Variants in EIPR1 observed in about 807,000 individuals in gnomAD.
EIPR1 encodes EARP and GARP complex-interacting protein 1.
Under a neutral mutation model 48.1 loss-of-function variants are expected in EIPR1, and 25 were observed. That is an observed-to-expected ratio of 0.52 (90% CI 0.38 to 0.73). EIPR1 has a LOEUF of 0.73. EIPR1 is among the 30% of genes least tolerant of loss of function. EIPR1 has a pLI of 0.00. For missense variants in EIPR1, 415 were observed against 506.2 expected (o/e 0.82, Z 1.73); for synonymous variants, 204 against 201.9 (o/e 1.01, Z -0.09).
intron 3 of EIPR1, among the ~76,000 whole-genome samples, chr2:3,269,948 A>AC (rs1667654478): frequency 6.6e-6 from 1 of 152,228 alleles, no homozygotes. Context: ...CTTGGCTTGC[A>AC]CACAGCACTG....
Position 3,374,072 on chromosome 2 carries a change from C to T in EIPR1, c.42+3576G>A, listed in dbSNP as rs1051832817. On this transcript the variant is annotated intron_variant, in intron 1 of 8. Transcript: ENST00000382125. ...CAGAACAGAGCCCTCAGAAATAATG[C>T]CGCATATCTACAACTATCTGATCTT... 4.9e-5 allele frequency among the ~76,000 whole-genome samples: 7 copies of T among 143,080 alleles called. No homozygotes were observed. In the Admixed American group the frequency reaches 4.9e-4, roughly 10 times the overall value. 93.9% of individuals were successfully genotyped at this position (143,080 alleles called of 152,430 possible). A position where few individuals can be genotyped will look rare whatever the true frequency, so the allele number is the denominator to read the frequency against.
chr2:3,228,687 C>T (rs1465808452), intron 4 of EIPR1, among the ~76,000 whole-genome samples: 1 of 152,186 alleles, frequency 6.6e-6, no homozygotes, highest in Non-Finnish European at 1.5e-5. Context: ...ATGTGAAGGG[C>T]AGGACCAGGT....
chr2:3,293,812 G>A (rs972202217), intron 3 of EIPR1, among the ~76,000 whole-genome samples: 1 of 152,204 alleles, frequency 6.6e-6, no homozygotes, highest in Admixed American at 6.5e-5. Context: ...CTTGATCACA[G>A]ACAATTTTGA....
In EIPR1 at chr2:3,274,420, C is replaced by T. The variant is rs1203240045; in HGVS notation, c.260-16965G>A. 12 of 1,550,018 alleles carry T rather than the reference C, an allele frequency of 7.7e-6. No individual in the cohort carries two copies. In the East Asian group the frequency reaches 2.4e-4, roughly 32 times the overall value. ...TCCAGAGACAGCACACAACAAAATG[C>T]TAGAAAAAAAGTCAGGGCAGAACTG... On this transcript the variant is annotated intron_variant, in intron 3 of 8. Transcript: ENST00000382125.
intron 3 of EIPR1, among the ~76,000 whole-genome samples, chr2:3,306,159 T>C (rs1050222532): frequency 1.3e-5 from 2 of 152,218 alleles, no homozygotes; most frequent in Non-Finnish European, 2.9e-5. Context: ...CCCGAAGTCA[T>C]CATTTCGTCA....
chr2:3,217,939 T>G (rs975477779), intron 4 of EIPR1, among the ~76,000 whole-genome samples: 1 of 152,180 alleles, frequency 6.6e-6, no homozygotes, highest in African/African-American at 2.4e-5. Context: ...TCATAAGCTA[T>G]GCTAAATACA....
intron 3 of EIPR1, among the ~76,000 whole-genome samples, chr2:3,299,143 C>T (rs1668685589): frequency 6.6e-6 from 1 of 152,244 alleles, no homozygotes; most frequent in Admixed American, 6.5e-5. Context: ...TTCTGGACTT[C>T]AGGAAGCCAA....
In EIPR1 at chr2:3,238,539, C is replaced by T. The variant is rs988166941; in HGVS notation, c.416+18760G>A. On this transcript the variant is annotated intron_variant, in intron 4 of 8. Coordinates refer to ENST00000382125, the MANE Select transcript of EIPR1 (RefSeq NM_003310.5). ...CTCAGATGCCATACACCATGCACAC[C>T]CCACTGCCACTGTGGCCCAGAGTGC... is the stretch of plus-strand genomic sequence containing the variant. Among the ~76,000 whole-genome samples the T allele has an allele frequency of 4.6e-5, 7 of 152,318 alleles. No homozygotes were observed. The South Asian group carries it at 1.5e-3, about 32-fold the overall frequency.
chr2:3,376,971 CT>C (rs1315122656), intron 1 of EIPR1, among the ~76,000 whole-genome samples: 1 of 152,226 alleles, frequency 6.6e-6, no homozygotes, highest in Non-Finnish European at 1.5e-5. Context: ...AGCTTTCTTG[CT>C]GTCCTGAACT....
At chr2:3,290,265 C>T (rs146995952) in intron 3 of EIPR1, among the ~76,000 whole-genome samples, 8 of 152,178 alleles carry the variant, frequency 5.3e-5, no homozygotes, top group Non-Finnish European at 1.0e-4. Flanking sequence ...AGATGCACAA[C>T]GAAGGATGGT....
At chr2:3,300,038 T>G (rs968103947) in intron 3 of EIPR1, among the ~76,000 whole-genome samples, 2 of 152,176 alleles carry the variant, frequency 1.3e-5, no homozygotes, top group Admixed American at 6.5e-5. Context: ...CAAACTCCAG[T>G]GCAGACAGCT....
intron 3 of EIPR1, among the ~76,000 whole-genome samples, chr2:3,273,269 C>T (rs981383814): frequency 2.0e-5 from 3 of 152,114 alleles, no homozygotes; most frequent in South Asian, 2.1e-4. Context: ...GTGAAGAATA[C>T]GACTGGGAGC....
At chr2:3,320,138 C>A (rs928994913) in intron 3 of EIPR1, 2 of 189,060 alleles carry the variant, frequency 1.1e-5, no homozygotes, top group Admixed American at 6.5e-5. Context: ...ACCACCCCTG[C>A]GGGCAACACC....
chr2:3,317,169 G>A (rs921106816), intron 3 of EIPR1, among the ~76,000 whole-genome samples: 1 of 148,982 alleles, frequency 6.7e-6, no homozygotes, highest in Non-Finnish European at 1.5e-5. Flanking sequence ...TGACCAAGCT[G>A]AGGGCCTACT....
intron 4 of EIPR1, among the ~76,000 whole-genome samples, chr2:3,249,166 T>C (rs1229294774): frequency 6.6e-6 from 1 of 152,206 alleles, no homozygotes; most frequent in South Asian, 2.1e-4. Flanking sequence ...GAGAAAAAGT[T>C]TGGAATTTCT....
At chr2:3,204,714 T>C (rs1665167889) in intron 5 of EIPR1, among the ~76,000 whole-genome samples, 1 of 152,200 alleles carries the variant, frequency 6.6e-6, no homozygotes, top group Non-Finnish European at 1.5e-5. Context: ...AAGAAGAGTC[T>C]CAGCGGAAGA....
intron 3 of EIPR1, among the ~76,000 whole-genome samples, chr2:3,333,705 C>A (rs1429880892): frequency 6.1e-5 from 9 of 147,694 alleles, no homozygotes; most frequent in African/African-American, 2.3e-4. Flanking sequence ...TGTGCCACTG[C>A]ACTCCAGACT....
At chr2:3,344,608 AATAGAAAC>A (rs1670346038) in intron 2 of EIPR1, among the ~76,000 whole-genome samples, 1 of 150,066 alleles carries the variant, frequency 6.7e-6, no homozygotes, top group Admixed American at 6.6e-5. Context: ...CCTTTGTTCT[AATAGAAAC>A]ATATACTGGT....
chr2:3,248,520 GGCGGAA>G (rs1666910145), intron 4 of EIPR1, among the ~76,000 whole-genome samples: 1 of 151,716 alleles, frequency 6.6e-6, no homozygotes, highest in Non-Finnish European at 1.5e-5. Flanking sequence ...CTGGAACCCT[GGCGGAA>G]GAGGCTGCAG....
Sources: gnomAD v4.1 joint callset for allele counts (sites outside exome capture counted in the v4.1 genomes callset) on GRCh38, gnomAD v4.1.1 for gene constraint, MANE v1.5 for transcripts, NCBI Gene and HGNC (gene_info 2026-07-23, HGNC 2026-07-21) for gene names.